GMDS: variants seen among roughly 807,000 people sequenced by gnomAD.
GMDS encodes GDP-mannose 4,6-dehydratase.
A neutral mutation model predicts 49.9 loss-of-function variants in GMDS; 20 were observed. The observed-to-expected ratio is 0.40, with a 90% CI of 0.28 to 0.58. GMDS has a LOEUF of 0.58. GMDS is among the 20% of genes least tolerant of loss of function. The pLI is 0.42. For missense variants in GMDS, 362 were observed against 481.4 expected (o/e 0.75, Z 2.32); for synonymous variants, 177 against 178.6 (o/e 0.99, Z 0.07).
intron 4 of GMDS, among the ~76,000 whole-genome samples, chr6:1,980,996 G>C (rs564697253): frequency 1.3e-5 from 2 of 152,180 alleles, no homozygotes; most frequent in African/African-American, 4.8e-5. Context: ...AAACTAATCA[G>C]AACAAAGAGA....
intron 6 of GMDS, among the ~76,000 whole-genome samples, chr6:1,953,356 T>C (rs1331779004): frequency 6.6e-6 from 1 of 152,226 alleles, no homozygotes; most frequent in Non-Finnish European, 1.5e-5. Context: ...TGTTTCACCC[T>C]TTATTCACAA....
In GMDS at chr6:1,899,405, G is replaced by A. The variant is rs553844787; in HGVS notation, c.771+30698C>T. 2.6e-5 allele frequency among the ~76,000 whole-genome samples: 4 copies of A among 152,248 alleles called. No individual in the cohort carries two copies. In the East Asian group the frequency reaches 7.7e-4, roughly 29 times the overall value. ...AAGACCGTGGTCCCCACGCGTCCTGGCTAAGGGGACTAAAGTGAGTAGCAG... is the reference window on the plus strand; with the variant it reads ...AAGACCGTGGTCCCCACGCGTCCTGACTAAGGGGACTAAAGTGAGTAGCAG... On this transcript the variant is annotated intron_variant, in intron 7 of 10. Coordinates refer to ENST00000380815, the MANE Select transcript of GMDS (RefSeq NM_001500.4).
At chr6:1,882,263 C>T (rs1759397530) in intron 7 of GMDS, among the ~76,000 whole-genome samples, 2 of 152,194 alleles carry the variant, frequency 1.3e-5, no homozygotes, top group African/African-American at 4.8e-5. Flanking sequence ...ACATACAATA[C>T]TCTCAGTGTA....
chr6:1,950,613 A>G (rs762618177), intron 6 of GMDS, among the ~76,000 whole-genome samples: 5 of 152,228 alleles, frequency 3.3e-5, no homozygotes, highest in Admixed American at 1.3e-4. Context: ...AATGTTTGCT[A>G]AAGTTCTATG....
intron 4 of GMDS, among the ~76,000 whole-genome samples, chr6:1,991,803 TA>T (rs756235320): frequency 6.6e-6 from 1 of 152,146 alleles, no homozygotes; most frequent in Non-Finnish European, 1.5e-5. Flanking sequence ...CCTGCCGATG[TA>T]ATTTGATAAG....
chr6:2,090,663 A>G (rs983640591), intron 4 of GMDS, among the ~76,000 whole-genome samples: 1 of 152,216 alleles, frequency 6.6e-6, no homozygotes, highest in Non-Finnish European at 1.5e-5. Flanking sequence ...AGTGGAATAA[A>G]AACCAAAAGT....
rs1370741453 is a variant in GMDS, at chr6:1,836,992, G to A, written c.771+93111C>T. On this transcript the variant is annotated intron_variant, in intron 7 of 10. Coordinates refer to ENST00000380815, the MANE Select transcript of GMDS (RefSeq NM_001500.4). The surrounding 1 kb of genome is among the most constrained non-coding windows in gnomAD (Gnocchi z 4.2). ...GAAAAGGCTAAAAATTCATATACAG[G>A]AAGTGGAAGTCTTTATATTTCATTT... is the stretch of plus-strand genomic sequence containing the variant. Among the ~76,000 whole-genome samples, 1 of 152,196 alleles carries A rather than the reference G, an allele frequency of 6.6e-6. No homozygotes were observed. Among genetic ancestry groups the A allele is most frequent in the Non-Finnish European group, 1.5e-5 (1 of 68,036 alleles).
intron 7 of GMDS, among the ~76,000 whole-genome samples, chr6:1,828,695 T>TGTCCCATG (rs1209418808): frequency 6.6e-6 from 1 of 152,182 alleles, no homozygotes; most frequent in Non-Finnish European, 1.5e-5. Flanking sequence ...TTAGCAAAAC[T>TGTCCCATG]GTCCCATGAA....
chr6:1,890,880 T>C (rs4959159), intron 7 of GMDS, among the ~76,000 whole-genome samples: 51,185 of 152,056 alleles, frequency 0.34, 8,654 homozygotes, highest in African/African-American at 0.4. Context: ...ACCCCAGCCG[T>C]GTCAATGTGA....
At chr6:2,197,034 G>A (rs986260610) in intron 1 of GMDS, among the ~76,000 whole-genome samples, 6 of 152,170 alleles carry the variant, frequency 3.9e-5, no homozygotes, top group African/African-American at 1.4e-4. Flanking sequence ...TCTGTGTCCA[G>A]CAGCAGTCCC....
chr6:2,168,862 A>G (rs1777802405), intron 1 of GMDS, among the ~76,000 whole-genome samples: 1 of 152,232 alleles, frequency 6.6e-6, no homozygotes, highest in Non-Finnish European at 1.5e-5. Flanking sequence ...ATTTTGATGT[A>G]TTTCTAAGTC....
rs9501798 is a variant in GMDS, at chr6:2,070,556, T to G, written c.345+45215A>C. Among the ~76,000 whole-genome samples, 574 of 152,302 alleles carry G rather than the reference T, an allele frequency of 3.8e-3. 3 individuals are homozygous for G. The highest frequency in any genetic ancestry group is 0.013 in the African/African-American group (533 of 41,562). ...GGGGCTGGAAATGTCATAAAATATA[T>G]GAACTGAAAACACTTCTTTATATAT... On this transcript the variant is annotated intron_variant, in intron 4 of 10. Transcript: ENST00000380815.
At chr6:1,760,992 A>G (rs1392640608) in intron 7 of GMDS, among the ~76,000 whole-genome samples, 1 of 152,188 alleles carries the variant, frequency 6.6e-6, no homozygotes, top group Non-Finnish European at 1.5e-5. Flanking sequence ...TGTATTTAAG[A>G]AAACAATGAT....
At chr6:1,711,666 C>T (rs1156958595) in intron 9 of GMDS, among the ~76,000 whole-genome samples, 1 of 152,214 alleles carries the variant, frequency 6.6e-6, no homozygotes, top group Non-Finnish European at 1.5e-5. Context: ...TATGGTTTTC[C>T]ATCCACCTTG....
chr6:2,221,820 C>G (rs1384848354), intron 1 of GMDS, among the ~76,000 whole-genome samples: 2 of 152,110 alleles, frequency 1.3e-5, no homozygotes, highest in Non-Finnish European at 2.9e-5. Context: ...AAAGAAAATA[C>G]TCTCAGAATG....
chr6:2,193,718 C>CTTTTTTT (rs1206019911), intron 1 of GMDS, among the ~76,000 whole-genome samples: 1 of 139,564 alleles, frequency 7.2e-6, no homozygotes, highest in Non-Finnish European at 1.5e-5. Context: ...AGTGAAAATG[C>CTTTTTTT]TATTTTTTTT....
chr6:1,994,166 G>A (rs1766132541), intron 4 of GMDS, among the ~76,000 whole-genome samples: 1 of 152,180 alleles, frequency 6.6e-6, no homozygotes, highest in South Asian at 2.1e-4. Flanking sequence ...TGGCTCCCAA[G>A]ATAAAGTCAC....
At chr6:2,151,672 T>G (rs894972108) in intron 1 of GMDS, among the ~76,000 whole-genome samples, 1 of 152,072 alleles carries the variant, frequency 6.6e-6, no homozygotes, top group Non-Finnish European at 1.5e-5. Flanking sequence ...AACCTACTCT[T>G]TATCTCTGAA....
intron 2 of GMDS, among the ~76,000 whole-genome samples, chr6:2,124,298 AGCTTGG>A (rs1775298129): frequency 6.6e-6 from 1 of 152,204 alleles, no homozygotes; most frequent in African/African-American, 2.4e-5. Context: ...GCCAACAATC[AGCTTGG>A]TTTTTATTGT....
Sources: gnomAD v4.1 joint callset for allele counts (sites outside exome capture counted in the v4.1 genomes callset) on GRCh38, gnomAD v4.1.1 for gene constraint, Gnocchi (gnomAD v3.1) non-coding constraint, MANE v1.5 for transcripts, NCBI Gene and HGNC (gene_info 2026-07-23, HGNC 2026-07-21) for gene names.